CTNNA3: variants seen among roughly 807,000 people sequenced by gnomAD.
CTNNA3 encodes the protein catenin alpha-3.
In CTNNA3, 76 loss-of-function variants were observed where a neutral mutation model predicts 95.7. The ratio of observed to expected loss-of-function variants is 0.79; its 90% CI spans 0.66 to 0.96. CTNNA3 has a LOEUF of 0.96. Among genes scored for constraint, CTNNA3 ranks in the 40% least tolerant of loss-of-function variants. CTNNA3 has a pLI of 0.00. For missense variants in CTNNA3, 1,191 were observed against 1,089.8 expected (o/e 1.09, Z -1.31); for synonymous variants, 431 against 374.4 (o/e 1.15, Z -1.74).
At chr10:67,249,341 G>A (rs1355520256) in intron 5 of CTNNA3, among the ~76,000 whole-genome samples, 1 of 152,066 alleles carries the variant, frequency 6.6e-6, no homozygotes, top group African/African-American at 2.4e-5. Context: ...TTGGTTCCAG[G>A]ACCCTCATGG....
chr10:67,493,404 T>C (rs1047624223), intron 5 of CTNNA3, among the ~76,000 whole-genome samples: 2 of 151,670 alleles, frequency 1.3e-5, no homozygotes, highest in African/African-American at 2.4e-5. Flanking sequence ...TACTAAAAAA[T>C]ACAAAAAATT....
intron 10 of CTNNA3, among the ~76,000 whole-genome samples, chr10:66,612,003 A>G (rs1250545645): frequency 6.6e-6 from 1 of 152,092 alleles, no homozygotes; most frequent in Non-Finnish European, 1.5e-5. Flanking sequence ...ATCTTCTGGT[A>G]GTAACTTAAA....
intron 10 of CTNNA3, among the ~76,000 whole-genome samples, chr10:66,600,987 A>ATT (rs201428281): frequency 1.3e-5 from 2 of 150,814 alleles, no homozygotes; most frequent in African/African-American, 4.9e-5. Flanking sequence ...ATCCTAAAGC[A>ATT]TTTTTTTTTG....
In CTNNA3 at chr10:66,438,270, C is replaced by T. The variant is rs1370741229; in HGVS notation, c.1532-58918G>A. ...TGTCTTCAGAGCCAGTAGACAGAAA[C>T]GTTTAAGTCTGGTGAAGCTGTGCTC... On this transcript the variant is annotated intron_variant, in intron 11 of 17. Coordinates refer to ENST00000433211, the MANE Select transcript of CTNNA3 (RefSeq NM_013266.4). Among the ~76,000 whole-genome samples, 4 of 152,190 alleles carry T rather than the reference C, an allele frequency of 2.6e-5. No homozygotes were observed. The South Asian group carries it at 8.3e-4, about 32-fold the overall frequency.
chr10:66,486,580 G>A (rs1284840687), intron 11 of CTNNA3, among the ~76,000 whole-genome samples: 1 of 152,126 alleles, frequency 6.6e-6, no homozygotes, highest in Non-Finnish European at 1.5e-5. Context: ...GGGAAGCTTT[G>A]TACACTGTTC....
intron 14 of CTNNA3, among the ~76,000 whole-genome samples, chr10:66,083,795 T>C (rs998293740): frequency 6.6e-6 from 1 of 152,130 alleles, no homozygotes; most frequent in Non-Finnish European, 1.5e-5. Flanking sequence ...GGTTTTCTTA[T>C]TATGGCTTTC....
intron 3 of CTNNA3, among the ~76,000 whole-genome samples, chr10:67,571,817 G>A (rs1841990175): frequency 6.6e-6 from 1 of 152,172 alleles, no homozygotes; most frequent in East Asian, 1.9e-4. Flanking sequence ...CTTGAAATGT[G>A]CAGAGTGTGA....
At chr10:66,580,753 C>G (rs562753203) in intron 10 of CTNNA3, among the ~76,000 whole-genome samples, 18 of 151,876 alleles carry the variant, frequency 1.2e-4, no homozygotes, top group African/African-American at 3.9e-4. Flanking sequence ...AGGGTTGCCT[C>G]ATTACTGCCT....
intron 7 of CTNNA3, among the ~76,000 whole-genome samples, chr10:66,851,633 T>TACACACACACACACACACAC (rs35986426): frequency 6.9e-6 from 1 of 144,380 alleles, no homozygotes; most frequent in African/African-American, 2.6e-5. Context: ...TTCTCTCACA[T>TACACACACACACACACACAC]ACACACACAC....
chr10:67,093,125 CTT>C (rs1857755003), intron 7 of CTNNA3, among the ~76,000 whole-genome samples: 1 of 151,784 alleles, frequency 6.6e-6, no homozygotes, highest in Admixed American at 6.6e-5. Flanking sequence ...TGGAGAGAAA[CTT>C]AATTCTCAGA....
Position 67,202,148 on chromosome 10 carries a change from C to A in CTNNA3, c.843+17459G>T, listed in dbSNP as rs137891246. 1.4e-3 allele frequency among the ~76,000 whole-genome samples: 212 copies of A among 152,228 alleles called. 3 individuals carry two copies. Among genetic ancestry groups the A allele is most frequent in the African/African-American group, 4.9e-3 (204 of 41,564 alleles). On this transcript the variant is annotated intron_variant, in intron 6 of 17. Coordinates refer to ENST00000433211, the MANE Select transcript of CTNNA3 (RefSeq NM_013266.4). Reference sequence around the variant, plus strand: ...GTCTCAGAAAACAAGCTTTGAGGTTCTATTCATAACATAAAGTTCAATTCA... The same window carrying A: ...GTCTCAGAAAACAAGCTTTGAGGTTATATTCATAACATAAAGTTCAATTCA...
chr10:67,384,928 T>C (rs1844092181), intron 5 of CTNNA3, among the ~76,000 whole-genome samples: 1 of 152,226 alleles, frequency 6.6e-6, no homozygotes, highest in Non-Finnish European at 1.5e-5. Context: ...TTCTTTTCAA[T>C]TATTTTTGAT....
intron 5 of CTNNA3, among the ~76,000 whole-genome samples, chr10:67,296,170 C>T (rs1279995576): frequency 6.6e-6 from 1 of 152,158 alleles, no homozygotes; most frequent in African/African-American, 2.4e-5. Context: ...GAAGCAAACA[C>T]AGTTGAAATT....
intron 11 of CTNNA3, among the ~76,000 whole-genome samples, chr10:66,381,103 A>G (rs1326013639): frequency 6.6e-6 from 1 of 152,188 alleles, no homozygotes; most frequent in South Asian, 2.1e-4. Flanking sequence ...CTACCATTGA[A>G]TATGGTCCCT....
intron 5 of CTNNA3, among the ~76,000 whole-genome samples, chr10:67,498,014 C>T (rs1308445834): frequency 6.6e-6 from 1 of 152,186 alleles, no homozygotes; most frequent in Non-Finnish European, 1.5e-5. Flanking sequence ...TTGCCCATGC[C>T]TATGTCCTGA....
chr10:66,233,059 C>T (rs10996992), intron 13 of CTNNA3, among the ~76,000 whole-genome samples: 2 of 147,326 alleles, frequency 1.4e-5, no homozygotes, highest in Non-Finnish European at 3.0e-5. Flanking sequence ...ACTGGGGAGG[C>T]TGAGGCAGGA....
chr10:67,151,904 C>T (rs1276805984), intron 7 of CTNNA3, among the ~76,000 whole-genome samples: 1 of 152,184 alleles, frequency 6.6e-6, no homozygotes, highest in African/African-American at 2.4e-5. Flanking sequence ...GGATAACATG[C>T]TGTGTCATCC....
chr10:66,707,027 T>A (rs781154157), intron 9 of CTNNA3, among the ~76,000 whole-genome samples: 10 of 151,940 alleles, frequency 6.6e-5, no homozygotes, highest in Non-Finnish European at 1.0e-4. Flanking sequence ...ATGAAAGATA[T>A]CAATACTAGA....
intron 1 of CTNNA3, among the ~76,000 whole-genome samples, chr10:67,749,259 A>G (rs1245105488): frequency 6.6e-6 from 1 of 152,246 alleles, no homozygotes; most frequent in Admixed American, 6.5e-5. Flanking sequence ...TCATCGAGAC[A>G]GAATATTAAC....
Sources: allele counts gnomAD v4.1 joint callset (sites outside exome capture counted in the v4.1 genomes callset), GRCh38; gene constraint gnomAD v4.1.1; transcripts MANE v1.5; gene names NCBI Gene and HGNC (gene_info 2026-07-23, HGNC 2026-07-21).